Variants in GPHN observed in about 807,000 individuals in gnomAD.
GPHN encodes gephyrin.
Under a neutral mutation model 95.5 loss-of-function variants are expected in GPHN, and 17 were observed. That is an observed-to-expected ratio of 0.18 (90% CI 0.12 to 0.27). The LOEUF is 0.27. Ranked by LOEUF, GPHN falls within the 10% of genes least tolerant of loss-of-function variation. GPHN has a pLI of 1.00. For synonymous variants in GPHN, 320 were observed against 322.5 expected (o/e 0.99, Z 0.08); for missense variants, 660 against 978.1 (o/e 0.67, Z 4.34).
the GPHN span, among the ~76,000 whole-genome samples, chr14:67,188,009 A>G: frequency 6.6e-6 from 1 of 152,194 alleles, no homozygotes; most frequent in African/African-American, 2.4e-5. Context: ...TGCCCAGGAA[A>G]TAGTAAGTAC....
At chr14:67,485,757 G>A in the GPHN span, among the ~76,000 whole-genome samples, 3 of 152,370 alleles carry the variant, frequency 2.0e-5, no homozygotes, top group African/African-American at 7.2e-5. Flanking sequence ...AGGCTGGAAA[G>A]AAAGGCCTGT....
intron 4 of GPHN, among the ~76,000 whole-genome samples, chr14:66,834,607 A>G (rs1012548821): frequency 6.6e-6 from 1 of 151,316 alleles, no homozygotes; most frequent in Admixed American, 6.6e-5. Flanking sequence ...GATGAAGCCC[A>G]CTTGATCATG....
chr14:66,641,224 C>T lies in GPHN; in HGVS notation c.65-39883C>T, dbSNP rs1254415547. ...TGATACACATTCAGTAGAAGCTATG[C>T]TTTGAATTTTGATCTTTCTCTAGGC... is the stretch of plus-strand genomic sequence containing the variant. On this transcript the variant is annotated intron_variant, in intron 1 of 22. Coordinates refer to ENST00000478722, the MANE Select transcript of GPHN (RefSeq NM_020806.5). Among the ~76,000 whole-genome samples, 3 of 152,112 alleles carry T rather than the reference C, an allele frequency of 2.0e-5. No homozygotes were observed. The East Asian group carries it at 5.8e-4, about 29-fold the overall frequency.
the GPHN span, among the ~76,000 whole-genome samples, chr14:67,496,447 A>G: frequency 3.5e-5 from 4 of 113,008 alleles, no homozygotes; most frequent in African/African-American, 1.4e-4. Flanking sequence ...TCTGTCACCC[A>G]GGCTGGAGTG....
At chr14:67,350,263 T>G in the GPHN span, among the ~76,000 whole-genome samples, 1 of 151,630 alleles carries the variant, frequency 6.6e-6, no homozygotes, top group Non-Finnish European at 1.5e-5. Context: ...TCCCTAATAT[T>G]CCAAAAAACT....
chr14:67,001,817 C>CTCCA (rs1018013930), intron 9 of GPHN, among the ~76,000 whole-genome samples: 3 of 151,678 alleles, frequency 2.0e-5, no homozygotes, highest in African/African-American at 7.2e-5. Context: ...TATGGTTCAT[C>CTCCA]TCCATGGATT....
chr14:66,635,110 G>C (rs1050022501), intron 1 of GPHN, among the ~76,000 whole-genome samples: 1 of 152,132 alleles, frequency 6.6e-6, no homozygotes. Context: ...ATGTTCACAT[G>C]TTCTCTTGAA....
chr14:67,033,563 CA>C (rs376350331), intron 10 of GPHN, among the ~76,000 whole-genome samples: 109 of 131,006 alleles, frequency 8.3e-4, no homozygotes, highest in Middle Eastern at 3.7e-3. Context: ...GACCCTGACT[CA>C]AAAAAAAAAA....
the GPHN span, chr14:67,382,636 A>T: frequency 6.2e-7 from 1 of 1,607,766 alleles, no homozygotes; most frequent in Non-Finnish European, 8.5e-7. Context: ...GGAGGTTCCT[A>T]AAAGGAGTTC....
chr14:66,825,757 AAG>A (rs1192872951), intron 4 of GPHN, among the ~76,000 whole-genome samples: 3 of 152,190 alleles, frequency 2.0e-5, no homozygotes, highest in Admixed American at 6.5e-5. Context: ...TTGGCTTTTA[AAG>A]CAATCAAAAT....
chr14:67,196,931 C>T, the GPHN span: 2 of 151,562 alleles, frequency 1.3e-5, no homozygotes, highest in East Asian at 1.9e-4. Flanking sequence ...CAAATTAGTG[C>T]TTTTTTTTTC....
the GPHN span, among the ~76,000 whole-genome samples, chr14:67,275,549 G>A: frequency 2.0e-5 from 3 of 152,092 alleles, no homozygotes; most frequent in Non-Finnish European, 4.4e-5. Context: ...TTTTCGCATC[G>A]ACATTCATCA....
chr14:66,660,549 T>G (rs908543325), intron 1 of GPHN, among the ~76,000 whole-genome samples: 2 of 152,246 alleles, frequency 1.3e-5, no homozygotes, highest in African/African-American at 2.4e-5. Context: ...TAATTTTTTT[T>G]TTCATGTCTG....
chr14:67,347,355 G>A, the GPHN span: 3 of 1,418,434 alleles, frequency 2.1e-6, no homozygotes, highest in Non-Finnish European at 3.0e-6. Flanking sequence ...TTCATTTAAA[G>A]AGGAAACAGG....
At chr14:66,640,777 CAA>C (rs2064349718) in intron 1 of GPHN, among the ~76,000 whole-genome samples, 1 of 152,100 alleles carries the variant, frequency 6.6e-6, no homozygotes, top group African/African-American at 2.4e-5. Context: ...CTGCTTAGAG[CAA>C]TGAGAAAATC....
chr14:67,461,137 C>T, the GPHN span, among the ~76,000 whole-genome samples: 1 of 152,200 alleles, frequency 6.6e-6, no homozygotes, highest in Non-Finnish European at 1.5e-5. Flanking sequence ...AGTGGCATCT[C>T]CTTGCATTTT....
the GPHN span, among the ~76,000 whole-genome samples, chr14:67,468,410 A>G: frequency 6.6e-6 from 1 of 152,218 alleles, no homozygotes; most frequent in Non-Finnish European, 1.5e-5. Context: ...GCACCCAGGA[A>G]GACCAGGCAA....
At chr14:67,433,282 G>T in the GPHN span, among the ~76,000 whole-genome samples, 2 of 152,080 alleles carry the variant, frequency 1.3e-5, no homozygotes, top group Non-Finnish European at 2.9e-5. Flanking sequence ...TACATGGTTT[G>T]GTGTCAAAAT....
chr14:66,961,939 TATATATATACAC>T (rs1201239123), intron 8 of GPHN, among the ~76,000 whole-genome samples: 2 of 79,440 alleles, frequency 2.5e-5, no homozygotes, highest in Admixed American at 1.5e-4. Flanking sequence ...TATATATATA[TATATATATACAC>T]ATATCTCCCA....
Sources: gnomAD v4.1 joint callset for allele counts (sites outside exome capture counted in the v4.1 genomes callset) on GRCh38, gnomAD v4.1.1 for gene constraint, MANE v1.5 for transcripts, NCBI Gene and HGNC (gene_info 2026-07-23, HGNC 2026-07-21) for gene names.